The following ZNF254 variants were observed in gnomAD, a reference collection of about 807,000 sequenced individuals.
The protein encoded by ZNF254 is CTD-2017D11.1.
A neutral mutation model predicts 12.4 loss-of-function variants in ZNF254; 10 were observed. That is an observed-to-expected ratio of 0.80 (90% CI 0.50 to 1.36). The LOEUF (loss-of-function observed/expected upper bound fraction) is 1.36, where lower values mean the gene tolerates loss of function less well. Among genes scored for constraint, ZNF254 ranks in the 40% most tolerant of loss-of-function variants. The probability of loss-of-function intolerance (pLI) is 0.00; values close to 1 mark genes in which losing one functional copy is unlikely to be tolerated. For missense variants in ZNF254, 996 were observed against 763.9 expected (o/e 1.30, Z -3.58); for synonymous variants, 305 against 253.4 (o/e 1.20, Z -1.93).
chr19:24,102,905 TAAAC>T (rs1482723286), intron 1 of ZNF254, among the ~76,000 whole-genome samples: 3 of 152,182 alleles, frequency 2.0e-5, no homozygotes. Flanking sequence ...AACTCAATGA[TAAAC>T]AGAAGAGGAA....
At chr19:24,115,897 A>G (rs1367561418) in intron 3 of ZNF254, among the ~76,000 whole-genome samples, 1 of 152,078 alleles carries the variant, frequency 6.6e-6, no homozygotes, top group Non-Finnish European at 1.5e-5. Context: ...CCTGGTGGTG[A>G]CAAAGTCTCT....
At chr19:24,100,733 G>A (rs1316228865) in intron 1 of ZNF254, among the ~76,000 whole-genome samples, 1 of 148,688 alleles carries the variant, frequency 6.7e-6, no homozygotes, top group African/African-American at 2.5e-5. Context: ...GCTAATCAAA[G>A]TGCAAATTCC....
At chr19:24,114,873 C>T (rs1211278045) in intron 3 of ZNF254, among the ~76,000 whole-genome samples, 1 of 152,126 alleles carries the variant, frequency 6.6e-6, no homozygotes, top group Non-Finnish European at 1.5e-5. Context: ...AGGACATGAA[C>T]AGACACTTCT....
intron 2 of ZNF254, among the ~76,000 whole-genome samples, chr19:24,072,752 G>A (rs1055388240): frequency 1.3e-5 from 2 of 152,202 alleles, no homozygotes; most frequent in Admixed American, 1.3e-4. Context: ...CAAGTAATGT[G>A]ACTTTGTTGT....
intron 2 of ZNF254, chr19:24,064,815 C>T (rs1217946678): frequency 6.6e-6 from 1 of 152,260 alleles, no homozygotes; most frequent in Non-Finnish European, 1.5e-5. Flanking sequence ...GTGTGAGCCA[C>T]CGCACCTGGC....
rs1283903885 is a variant in ZNF254, at chr19:24,128,313, T to C, written c.*333T>C. 4.5e-6 allele frequency: 1 copy of C among 222,196 alleles called. No individual in the cohort carries two copies. Among genetic ancestry groups the C allele is most frequent in the African/African-American group, 2.3e-5 (1 of 43,998 alleles). 13.8% of individuals were successfully genotyped at this position (222,196 alleles called of 1,614,324 possible). A position where few individuals can be genotyped will look rare whatever the true frequency, so the allele number is the denominator to read the frequency against. ...GTACAAATATTGGCAAAGTAAAAAATCCATTAACACCTGCTCACATCTTAC... is the reference window on the plus strand; with the variant it reads ...GTACAAATATTGGCAAAGTAAAAAACCCATTAACACCTGCTCACATCTTAC... On this transcript the variant is annotated 3_prime_UTR_variant, in exon 4 of 4. Coordinates refer to ENST00000357002, the MANE Select transcript of ZNF254 (RefSeq NM_203282.4).
intron 1 of ZNF254, among the ~76,000 whole-genome samples, chr19:24,040,809 C>T (rs1970126618): frequency 6.6e-6 from 1 of 152,220 alleles, no homozygotes; most frequent in Non-Finnish European, 1.5e-5. Context: ...GCTGGCAAAG[C>T]ATGTGATCCT....
At chr19:24,101,592 T>C (rs1187827515) in intron 1 of ZNF254, among the ~76,000 whole-genome samples, 1 of 152,198 alleles carries the variant, frequency 6.6e-6, no homozygotes, top group Non-Finnish European at 1.5e-5. Flanking sequence ...CTGGAAAATA[T>C]GATATTAGAG....
chr19:24,087,232 GCT>G lies in ZNF254; in HGVS notation c.-73_-72del. 3.7e-6 allele frequency: 6 copies of G among 1,600,996 alleles called. No individual in the cohort carries two copies. In the South Asian group the frequency reaches 5.5e-5, roughly 15 times the overall value. ...CCGGAGTCCCAGGTCTGTCTTCACT[GCT>G]CTGTGTCCTCTGCTCCTAGAGGCCC... On this transcript the variant is annotated 5_prime_UTR_variant, in exon 1 of 4. Transcript: ENST00000357002.
intron 3 of ZNF254, among the ~76,000 whole-genome samples, chr19:24,112,905 C>A (rs1973781428): frequency 1.3e-5 from 2 of 152,166 alleles, no homozygotes; most frequent in Admixed American, 1.3e-4. Context: ...ACAAACACCT[C>A]TATGCAAATA....
At position 24,088,964 on chromosome 19, in the gene ZNF254, C is replaced by CTTTTTTT. The variant is rs74175785; in HGVS notation, c.30+1650_30+1656dup. ...GAGCCATCTCGCCTGGCCAATTAAT[C>CTTTTTTT]TTTTTTTTTTTTTTTTTTTTTTTTT... On this transcript the variant is annotated intron_variant, in intron 1 of 3. Coordinates refer to ENST00000357002, the MANE Select transcript of ZNF254 (RefSeq NM_203282.4). Among the ~76,000 whole-genome samples, 5 of 99,292 alleles carry CTTTTTTT rather than the reference C, an allele frequency of 5.0e-5. 1 individual carries two copies. The highest frequency in any genetic ancestry group is 2.1e-4 in the African/African-American group (4 of 18,690). The allele number at this position is 99,292 out of a possible 152,430, so 65.1% of individuals were successfully genotyped here.
At chr19:24,038,940 A>C (rs1970061149) in intron 1 of ZNF254, among the ~76,000 whole-genome samples, 1 of 152,346 alleles carries the variant, frequency 6.6e-6, no homozygotes, top group Admixed American at 6.5e-5. Flanking sequence ...AAGCCTGAGA[A>C]TCTAAACATT....
At chr19:24,094,301 C>T (rs1467585913) in intron 1 of ZNF254, among the ~76,000 whole-genome samples, 4 of 152,184 alleles carry the variant, frequency 2.6e-5, no homozygotes, top group African/African-American at 4.8e-5. Flanking sequence ...TCTTGCTCTT[C>T]GCCCAGGCTG....
chr19:24,103,485 C>T (rs746546764), intron 1 of ZNF254, among the ~76,000 whole-genome samples: 1 of 152,152 alleles, frequency 6.6e-6, no homozygotes, highest in Non-Finnish European at 1.5e-5. Context: ...AATCACATGG[C>T]CAATATGCAG....
intron 3 of ZNF254, among the ~76,000 whole-genome samples, chr19:24,119,743 A>T (rs1306404916): frequency 6.6e-6 from 1 of 152,046 alleles, no homozygotes; most frequent in Non-Finnish European, 1.5e-5. Context: ...ACCCCACTTT[A>T]ACCTCCCAAA....
rs74846040 is a variant in ZNF254 at position 24,077,916 on chromosome 19, C to T, written c.-93-28024C>T. Among the ~76,000 whole-genome samples, 202 of 152,184 alleles carry T rather than the reference C, an allele frequency of 1.3e-3. 3 individuals carry two copies. The East Asian group carries it at 0.036, about 27-fold the overall frequency. On this transcript the variant is annotated intron_variant, in intron 2 of 4. Transcript: ENST00000613065. ...GTTTCTTGTTAATAGTACATGTGTCCTCAGCAAGGAGGTGAAAATAAAAAA... is the reference window on the plus strand; with the variant it reads ...GTTTCTTGTTAATAGTACATGTGTCTTCAGCAAGGAGGTGAAAATAAAAAA...
chr19:24,066,349 T>C (rs1054670523), intron 2 of ZNF254: 3 of 152,236 alleles, frequency 2.0e-5, no homozygotes, highest in African/African-American at 7.2e-5. Flanking sequence ...TGTAGCATAT[T>C]GCTACACCCA....
intron 3 of ZNF254, among the ~76,000 whole-genome samples, chr19:24,119,350 C>T (rs967650779): frequency 2.0e-5 from 3 of 151,836 alleles, no homozygotes; most frequent in African/African-American, 7.3e-5. Flanking sequence ...TGCGACCATG[C>T]CTGGCGAATT....
rs76182048 is a variant in ZNF254, at chr19:24,124,779, T to C, written c.254-1475T>C. 4.9e-3 allele frequency among the ~76,000 whole-genome samples: 742 copies of C among 151,560 alleles called. 3 individuals carry two copies. Among genetic ancestry groups the C allele is most frequent in the African/African-American group, 0.017 (688 of 41,468 alleles). ...CATCACTTTTTTTCTTTTTCTTTTT[T>C]TTTTTTGGAAACAAGAGTCTCACTG... is the stretch of plus-strand genomic sequence containing the variant. On this transcript the variant is annotated intron_variant, in intron 3 of 3. Transcript: ENST00000357002.
Sources: gnomAD v4.1 joint callset for allele counts (sites outside exome capture counted in the v4.1 genomes callset) on GRCh38, gnomAD v4.1.1 for gene constraint, MANE v1.5 for transcripts, NCBI Gene and HGNC (gene_info 2026-07-23, HGNC 2026-07-21) for gene names.